FGF14: variants seen among roughly 807,000 people sequenced by gnomAD.
FGF14 encodes fibroblast growth factor 14, also known as fibroblast growth factor homologous factor 4.
FGF14 carries 5 observed loss-of-function variants against 25.5 expected under a neutral mutation model. That is an observed-to-expected ratio of 0.20 (90% CI 0.10 to 0.41). The LOEUF is 0.41. Ranked by LOEUF, FGF14 falls within the 10% of genes least tolerant of loss-of-function variation. The pLI, the probability that FGF14 is intolerant of heterozygous loss-of-function variation, is 1.00. For synonymous variants in FGF14, 138 were observed against 118.3 expected, an observed-to-expected ratio of 1.17 and a Z score of -1.08; for missense variants, 222 against 320.1, an observed-to-expected ratio of 0.69 and a Z score of 2.34.
At chr13:101,988,599 T>C (rs890871198) in intron 1 of FGF14, among the ~76,000 whole-genome samples, 1 of 150,172 alleles carries the variant, frequency 6.7e-6, no homozygotes, top group African/African-American at 2.5e-5. Flanking sequence ...AGCAAACTAT[T>C]GCAAGGACAA....
chr13:101,774,523 A>C (rs933901632), intron 3 of FGF14, among the ~76,000 whole-genome samples: 1 of 152,092 alleles, frequency 6.6e-6, no homozygotes. Flanking sequence ...CAGAGGAATG[A>C]AGGTAGTCTT....
rs3064690 is a variant in FGF14 at position 101,739,111 on chromosome 13, GTATA to G, written c.409-12305_409-12302del. Among the ~76,000 whole-genome samples the G allele has an allele frequency of 2.0e-3, 269 of 137,760 alleles. 1 individual carries two copies. The highest frequency in any genetic ancestry group is 0.011 in the East Asian group (52 of 4,782). 90.4% of individuals were successfully genotyped at this position (137,760 alleles called of 152,430 possible). A position where few individuals can be genotyped will look rare whatever the true frequency, so the allele number is the denominator to read the frequency against. ...ACAGTATATATATATATATATACATGTATATATATATATATATATACCATTACAA... is the reference window on the plus strand; with the variant it reads ...ACAGTATATATATATATATATACATGTATATATATATATATACCATTACAA... On this transcript the variant is annotated intron_variant, in intron 3 of 4. Transcript: ENST00000376143.
At chr13:101,912,841 G>A (rs77521397) in intron 1 of FGF14, among the ~76,000 whole-genome samples, 2,993 of 151,980 alleles carry the variant, frequency 0.02, 118 homozygotes, top group African/African-American at 0.068. Context: ...TTTAGCTTGG[G>A]CCTATTAACC....
At chr13:102,082,680 C>A (rs563605520) in intron 1 of FGF14, among the ~76,000 whole-genome samples, 98 of 152,254 alleles carry the variant, frequency 6.4e-4, no homozygotes, top group African/African-American at 2.3e-3. Context: ...TGGGGCCGGG[C>A]GCGGTGGCTC....
At chr13:102,229,536 A>T (rs567500279) in intron 1 of FGF14, among the ~76,000 whole-genome samples, 1 of 152,246 alleles carries the variant, frequency 6.6e-6, no homozygotes, top group South Asian at 2.1e-4. Flanking sequence ...AGTTGTGACT[A>T]ATGAGGATTT....
At chr13:102,120,719 T>G (rs1430153320) in intron 1 of FGF14, among the ~76,000 whole-genome samples, 1 of 123,384 alleles carries the variant, frequency 8.1e-6, no homozygotes, top group South Asian at 2.7e-4. Context: ...TTTTTTTTTT[T>G]TCGAGACAGA....
intron 3 of FGF14, among the ~76,000 whole-genome samples, chr13:101,836,627 G>A (rs9554829): frequency 0.3 from 46,002 of 151,910 alleles, 7,726 homozygotes; most frequent in Non-Finnish European, 0.38. Context: ...TATTTTGCAC[G>A]TATTTATCTT....
At chr13:102,109,132 C>A (rs941537963) in intron 1 of FGF14, among the ~76,000 whole-genome samples, 1 of 152,092 alleles carries the variant, frequency 6.6e-6, no homozygotes, top group Non-Finnish European at 1.5e-5. Flanking sequence ...ATATCACAGT[C>A]CCCAGAAGTT....
intron 1 of FGF14, among the ~76,000 whole-genome samples, chr13:102,193,867 G>C (rs1299821601): frequency 6.8e-6 from 1 of 148,030 alleles, no homozygotes; most frequent in Non-Finnish European, 1.5e-5. Context: ...AGGGGAATAT[G>C]GCCCCAAAAC....
chr13:102,039,112 C>T (rs1014795705), intron 1 of FGF14, among the ~76,000 whole-genome samples: 2 of 152,184 alleles, frequency 1.3e-5, no homozygotes, highest in Non-Finnish European at 2.9e-5. Context: ...AGCAGGGAAG[C>T]TTGAACTTGA....
intron 1 of FGF14, among the ~76,000 whole-genome samples, chr13:102,353,321 T>C (rs1273755514): frequency 3.9e-5 from 6 of 152,196 alleles, no homozygotes; most frequent in Admixed American, 1.3e-4. Context: ...CAAAGTTCTG[T>C]GTATCATTTC....
intron 1 of FGF14, among the ~76,000 whole-genome samples, chr13:102,032,415 A>C (rs902661111): frequency 6.6e-6 from 1 of 152,018 alleles, no homozygotes; most frequent in Non-Finnish European, 1.5e-5. Flanking sequence ...AAAATAAAAC[A>C]CCTTGAAAAA....
chr13:102,268,113 T>C (rs2053078920), intron 1 of FGF14, among the ~76,000 whole-genome samples: 1 of 152,136 alleles, frequency 6.6e-6, no homozygotes, highest in South Asian at 2.1e-4. Context: ...AAAGCTGCCA[T>C]AATAGTGAAA....
chr13:102,171,972 GTATT>G (rs58098373), intron 1 of FGF14, among the ~76,000 whole-genome samples: 6,860 of 146,150 alleles, frequency 0.047, 361 homozygotes, highest in East Asian at 0.2. Context: ...CACTTACCAT[GTATT>G]TATTTATTTA....
chr13:101,884,046 G>A (rs1165064156), intron 1 of FGF14, among the ~76,000 whole-genome samples: 1 of 74,354 alleles, frequency 1.3e-5, no homozygotes, highest in Non-Finnish European at 2.4e-5. Context: ...CTGGGCAACA[G>A]AGTAAGACTC....
intron 1 of FGF14, among the ~76,000 whole-genome samples, chr13:102,006,878 G>C (rs892616007): frequency 1.3e-5 from 2 of 150,410 alleles, no homozygotes; most frequent in African/African-American, 2.4e-5. Context: ...CCGAGTAGCT[G>C]GGACTACAGG....
At chr13:102,200,287 T>C (rs72647411) in intron 1 of FGF14, among the ~76,000 whole-genome samples, 1 of 152,356 alleles carries the variant, frequency 6.6e-6, no homozygotes, top group Non-Finnish European at 1.5e-5. Context: ...CCACATATAA[T>C]AACTTTGAAA....
At chr13:102,374,647 TATATATATATA>T (rs2057987287) in intron 1 of FGF14, among the ~76,000 whole-genome samples, 1 of 1,454 alleles carries the variant, frequency 6.9e-4, no homozygotes, top group Non-Finnish European at 1.7e-3. Flanking sequence ...ACATATTTTA[TATATATATATA>T]TATATATATA....
chr13:102,343,579 C>A (rs2057017509), intron 1 of FGF14, among the ~76,000 whole-genome samples: 2 of 152,138 alleles, frequency 1.3e-5, no homozygotes, highest in Admixed American at 1.3e-4. Context: ...CTACCAGCTG[C>A]ATAGAGAATG....
Sources: gnomAD v4.1 joint callset for allele counts (sites outside exome capture counted in the v4.1 genomes callset) on GRCh38, gnomAD v4.1.1 for gene constraint, MANE v1.5 for transcripts, NCBI Gene and HGNC (gene_info 2026-07-23, HGNC 2026-07-21) for gene names.